Variants in RIT2 observed in about 807,000 individuals in gnomAD.
RIT2 encodes the protein GTP-binding protein Rit2.
Under a neutral mutation model 23.7 loss-of-function variants are expected in RIT2, and 24 were observed. The observed-to-expected ratio is 1.01, with a 90% CI of 0.73 to 1.43. The LOEUF (loss-of-function observed/expected upper bound fraction) is 1.43. Among genes scored for constraint, RIT2 ranks in the 40% most tolerant of loss-of-function variants. The probability of loss-of-function intolerance (pLI) is 0.00; values close to 1 mark genes in which losing one functional copy is unlikely to be tolerated. For missense variants in RIT2, 236 were observed against 266.9 expected, an observed-to-expected ratio of 0.88 and a Z score of 0.81; for synonymous variants, 107 against 91.1, an observed-to-expected ratio of 1.17 and a Z score of -0.99.
At chr18:42,929,032 G>GAGATATATATAGATATATATATAT (rs1909254935) in intron 3 of RIT2, among the ~76,000 whole-genome samples, 1 of 16,072 alleles carries the variant, frequency 6.2e-5, no homozygotes, top group Non-Finnish European at 1.5e-4. Context: ...CTAAAATATG[G>GAGATATATATAGATATATATATAT]AGATATATAT....
At chr18:42,977,139 G>C (rs932583480) in intron 2 of RIT2, among the ~76,000 whole-genome samples, 1 of 151,906 alleles carries the variant, frequency 6.6e-6, no homozygotes, top group Non-Finnish European at 1.5e-5. Context: ...CAGTTATCTG[G>C]GCCTGAAGCT....
intron 1 of RIT2, among the ~76,000 whole-genome samples, chr18:43,046,841 T>C (rs1323139167): frequency 2.0e-5 from 3 of 152,154 alleles, no homozygotes; most frequent in African/African-American, 4.8e-5. Flanking sequence ...TATGCATCCA[T>C]GGATAATTTA....
intron 1 of RIT2, among the ~76,000 whole-genome samples, chr18:43,092,289 G>A (rs764694018): frequency 2.0e-5 from 3 of 152,188 alleles, no homozygotes; most frequent in South Asian, 2.1e-4. Context: ...GAAAGCTCAC[G>A]CTCTAGCACA....
chr18:42,933,815 C>T (rs968083169), intron 3 of RIT2, among the ~76,000 whole-genome samples: 14 of 151,764 alleles, frequency 9.2e-5, no homozygotes, highest in African/African-American at 3.4e-4. Context: ...GTCAGGAGTT[C>T]GAGACCATCC....
intron 4 of RIT2, among the ~76,000 whole-genome samples, chr18:42,766,137 A>G (rs1398329107): frequency 6.6e-6 from 1 of 152,172 alleles, no homozygotes; most frequent in African/African-American, 2.4e-5. Flanking sequence ...TGCTGAAAAG[A>G]CACCTGAAAA....
intron 4 of RIT2, among the ~76,000 whole-genome samples, chr18:42,744,307 G>T (rs571988829): frequency 6.6e-6 from 1 of 152,074 alleles, no homozygotes; most frequent in Non-Finnish European, 1.5e-5. Flanking sequence ...ATGAAACTGT[G>T]GACCTCAGTC....
At chr18:42,872,619 T>G (rs1907648209) in intron 4 of RIT2, among the ~76,000 whole-genome samples, 1 of 152,222 alleles carries the variant, frequency 6.6e-6, no homozygotes, top group Non-Finnish European at 1.5e-5. Context: ...ATTAAGTAAT[T>G]AGGTCCAAAC....
intron 4 of RIT2, among the ~76,000 whole-genome samples, chr18:42,851,358 A>G (rs547519754): frequency 1.3e-5 from 2 of 152,342 alleles, no homozygotes; most frequent in South Asian, 4.1e-4. Flanking sequence ...TTTAGAATCA[A>G]TTACTGAATA....
intron 4 of RIT2, among the ~76,000 whole-genome samples, chr18:42,768,931 T>A (rs1479301689): frequency 6.6e-6 from 1 of 152,034 alleles, no homozygotes. Context: ...TTTTATGGAG[T>A]TGACCCTATT....
intron 4 of RIT2, among the ~76,000 whole-genome samples, chr18:42,815,406 A>G (rs1431846933): frequency 6.6e-6 from 1 of 152,178 alleles, no homozygotes; most frequent in Admixed American, 6.5e-5. Context: ...AATTAACTCA[A>G]TCCAACAAAG....
chr18:42,929,061 A>ATATATATATATATATATC (rs1568032670), intron 3 of RIT2, among the ~76,000 whole-genome samples: 1 of 146,624 alleles, frequency 6.8e-6, no homozygotes, highest in African/African-American at 2.5e-5. Flanking sequence ...ATATATATTT[A>ATATATATATATATATATC]TATGAGACAA....
chr18:42,791,425 T>G (rs1351178480), intron 4 of RIT2, among the ~76,000 whole-genome samples: 1 of 152,216 alleles, frequency 6.6e-6, no homozygotes, highest in East Asian at 1.9e-4. Flanking sequence ...TGTTTCTGTT[T>G]TATGCTAATG....
At chr18:42,942,629 T>C (rs555458522) in intron 3 of RIT2, among the ~76,000 whole-genome samples, 2 of 152,152 alleles carry the variant, frequency 1.3e-5, no homozygotes, top group African/African-American at 4.8e-5. Context: ...CTTCCTTCCA[T>C]ATGCCAAAGC....
intron 4 of RIT2, among the ~76,000 whole-genome samples, chr18:42,845,655 T>G (rs1416374543): frequency 6.7e-6 from 1 of 149,586 alleles, no homozygotes; most frequent in African/African-American, 2.4e-5. Flanking sequence ...AATAGAAATA[T>G]TACATAAATA....
At chr18:42,761,288 G>A (rs973884657) in intron 4 of RIT2, among the ~76,000 whole-genome samples, 1 of 152,024 alleles carries the variant, frequency 6.6e-6, no homozygotes, top group African/African-American at 2.4e-5. Context: ...GTTTTCTAAA[G>A]TAACTCCCAG....
rs1324021077 is a variant in RIT2 at position 42,940,233 on chromosome 18, T to C, written c.235-16470A>G. 3.6e-5 allele frequency among the ~76,000 whole-genome samples: 4 copies of C among 111,228 alleles called. No individual in the cohort carries two copies. The East Asian group carries it at 9.8e-4, about 27-fold the overall frequency. 73.0% of individuals were successfully genotyped at this position (111,228 alleles called of 152,430 possible). A position where few individuals can be genotyped will look rare whatever the true frequency, so the allele number is the denominator to read the frequency against. On this transcript the variant is annotated intron_variant, in intron 3 of 4. Coordinates refer to ENST00000326695, the MANE Select transcript of RIT2 (RefSeq NM_002930.4). ...AATCCTCTCTCAAATTTTGAAAGGCTCACTATATATATATATATATATATA... is the reference window on the plus strand; with the variant it reads ...AATCCTCTCTCAAATTTTGAAAGGCCCACTATATATATATATATATATATA...
chr18:42,756,308 T>C (rs1032581187), intron 4 of RIT2, among the ~76,000 whole-genome samples: 3 of 152,152 alleles, frequency 2.0e-5, no homozygotes, highest in Admixed American at 1.3e-4. Context: ...AAGTAGGACA[T>C]AATAAATTAA....
chr18:43,103,785 G>A (rs1219406063), intron 1 of RIT2, among the ~76,000 whole-genome samples: 4 of 152,246 alleles, frequency 2.6e-5, no homozygotes, highest in African/African-American at 7.2e-5. Context: ...CTAAAATGAC[G>A]GTGTTGGAAT....
At chr18:42,917,948 C>G (rs1273444910) in intron 4 of RIT2, among the ~76,000 whole-genome samples, 2 of 152,158 alleles carry the variant, frequency 1.3e-5, no homozygotes, top group African/African-American at 4.8e-5. Flanking sequence ...TCCCTTGCTT[C>G]ATTTTTCTCC....
Sources: gnomAD v4.1 joint callset for allele counts (sites outside exome capture counted in the v4.1 genomes callset) on GRCh38, gnomAD v4.1.1 for gene constraint, MANE v1.5 for transcripts, NCBI Gene and HGNC (gene_info 2026-07-23, HGNC 2026-07-21) for gene names.